The following RFTN2 variants were observed in gnomAD, a reference collection of about 807,000 sequenced individuals.
The protein encoded by RFTN2 is raftlin family member 2.
RFTN2 carries 34 observed loss-of-function variants against 52.7 expected under a neutral mutation model. That is an observed-to-expected ratio of 0.64 (90% confidence interval 0.49 to 0.86). The LOEUF is 0.86. RFTN2 is among the 40% of genes least tolerant of loss of function. The probability of loss-of-function intolerance (pLI) is 0.00; values close to 1 mark genes in which losing one functional copy is unlikely to be tolerated. For synonymous variants in RFTN2, 203 were observed against 217.7 expected (o/e 0.93, Z 0.59); for missense variants, 536 against 600.1 (o/e 0.89, Z 1.12).
At chr2:197,625,242 A>T (rs2088334967) in intron 5 of RFTN2, among the ~76,000 whole-genome samples, 2 of 152,210 alleles carry the variant, frequency 1.3e-5, no homozygotes, top group Admixed American at 1.3e-4. Flanking sequence ...CAAACTTGTG[A>T]ACTTGTGTAC....
At position 197,649,283 on chromosome 2, in the gene RFTN2, T is replaced by C. The variant is rs147986981; in HGVS notation, c.140-2617A>G. Among the ~76,000 whole-genome samples, 617 of 152,110 alleles carry C rather than the reference T, an allele frequency of 4.1e-3. 3 individuals are homozygous for C. Among genetic ancestry groups the C allele is most frequent in the African/African-American group, 0.014 (589 of 41,502 alleles). ...TACTGAGAATCCAAATAAATAGAGG[T>C]AAAGGTCATATTTACTTCAGGAGTC... On this transcript the variant is annotated intron_variant, in intron 1 of 8. Transcript: ENST00000295049.
At chr2:197,621,539 T>G (rs2088266020) in intron 5 of RFTN2, among the ~76,000 whole-genome samples, 1 of 151,834 alleles carries the variant, frequency 6.6e-6, no homozygotes, top group African/African-American at 2.4e-5. Context: ...TATTTCAACC[T>G]TTTTCATTAT....
intron 7 of RFTN2, among the ~76,000 whole-genome samples, chr2:197,604,976 G>A (rs891530536): frequency 1.3e-5 from 2 of 152,016 alleles, no homozygotes; most frequent in Admixed American, 6.6e-5. Context: ...GGCCAGGCTG[G>A]TCTTGAACTC....
chr2:197,583,994 T>C (rs1194242461), intron 8 of RFTN2, among the ~76,000 whole-genome samples: 1 of 152,150 alleles, frequency 6.6e-6, no homozygotes, highest in African/African-American at 2.4e-5. Context: ...CCATGGTGTA[T>C]ATGTGCCACA....
intron 1 of RFTN2, among the ~76,000 whole-genome samples, chr2:197,647,601 T>G (rs1357790085): frequency 6.6e-6 from 1 of 152,226 alleles, no homozygotes; most frequent in Non-Finnish European, 1.5e-5. Context: ...TTGTCAAGGC[T>G]TTCTTATTTC....
chr2:197,591,484 T>G (rs550003643), intron 8 of RFTN2, among the ~76,000 whole-genome samples: 1 of 152,334 alleles, frequency 6.6e-6, no homozygotes, highest in Admixed American at 6.5e-5. Context: ...GGAGCTCAGC[T>G]GGCTTCACCC....
At chr2:197,614,262 T>G (rs923731448) in intron 7 of RFTN2, among the ~76,000 whole-genome samples, 13 of 152,192 alleles carry the variant, frequency 8.5e-5, no homozygotes, top group African/African-American at 2.9e-4. Flanking sequence ...TAAATTTGAT[T>G]TTTAAAATTT....
In RFTN2 at chr2:197,654,864, G is replaced by A. The variant is rs140572103; in HGVS notation, c.140-8198C>T. On this transcript the variant is annotated intron_variant, in intron 1 of 8. Transcript: ENST00000295049. ...AATATAAAATTAGCCTGGAGTGGTG[G>A]TGCATGCCTGTAATCCCACTTACTC... Among the ~76,000 whole-genome samples the A allele has an allele frequency of 3.1e-3, 472 of 152,130 alleles. 5 individuals are homozygous for A. Among genetic ancestry groups the A allele is most frequent in the African/African-American group, 0.011 (455 of 41,476 alleles).
intron 7 of RFTN2, among the ~76,000 whole-genome samples, chr2:197,611,942 T>G (rs1411414200): frequency 1.3e-5 from 2 of 152,220 alleles, no homozygotes; most frequent in Non-Finnish European, 2.9e-5. Context: ...TTCTTAATCC[T>G]GAGTTCTAAT....
intron 8 of RFTN2, among the ~76,000 whole-genome samples, chr2:197,592,374 T>G (rs2087731651): frequency 6.6e-6 from 1 of 152,162 alleles, no homozygotes; most frequent in African/African-American, 2.4e-5. Flanking sequence ...TGTGTATTTT[T>G]AGTAGAGAAG....
At chr2:197,661,199 T>A (rs2088972023) in intron 1 of RFTN2, among the ~76,000 whole-genome samples, 1 of 151,478 alleles carries the variant, frequency 6.6e-6, no homozygotes, top group Admixed American at 6.6e-5. Context: ...GCTCCATCCA[T>A]GTTGCTGCAA....
intron 8 of RFTN2, among the ~76,000 whole-genome samples, chr2:197,589,345 G>C (rs1416461842): frequency 2.0e-5 from 3 of 151,230 alleles, no homozygotes; most frequent in African/African-American, 7.3e-5. Context: ...ATGATTGTGA[G>C]GCCTCCTCAG....
At chr2:197,661,215 G>A (rs997828236) in intron 1 of RFTN2, among the ~76,000 whole-genome samples, 6 of 140,426 alleles carry the variant, frequency 4.3e-5, no homozygotes, top group South Asian at 2.3e-4. Context: ...TGCAAATGAC[G>A]TGATTTAATT....
chr2:197,580,739 G>T (rs1181886168), intron 8 of RFTN2, among the ~76,000 whole-genome samples: 1 of 152,100 alleles, frequency 6.6e-6, no homozygotes, highest in African/African-American at 2.4e-5. Flanking sequence ...TGTTTCCCTT[G>T]CCTCCATAAC....
At chr2:197,673,423 T>C (rs533217539) in intron 1 of RFTN2, among the ~76,000 whole-genome samples, 43 of 152,092 alleles carry the variant, frequency 2.8e-4, no homozygotes, top group African/African-American at 1.0e-3. Context: ...GCAAAGGCAA[T>C]GGGGAAGACA....
chr2:197,640,125 A>T (rs2088638345), intron 3 of RFTN2, among the ~76,000 whole-genome samples: 1 of 152,200 alleles, frequency 6.6e-6, no homozygotes, highest in Non-Finnish European at 1.5e-5. Context: ...TGCTGGGAGA[A>T]CCACTGCTCT....
chr2:197,657,318 G>A (rs957020643), intron 1 of RFTN2, among the ~76,000 whole-genome samples: 6 of 152,210 alleles, frequency 3.9e-5, no homozygotes, highest in Admixed American at 2.6e-4. Context: ...TCATTAGTTT[G>A]TAACTTCTGC....
chr2:197,574,870 AAAAC>A (rs79026014), intron 8 of RFTN2, among the ~76,000 whole-genome samples: 102,966 of 150,490 alleles, frequency 0.68, 35,705 homozygotes, highest in Middle Eastern at 0.85. Flanking sequence ...CTCCATCTCA[AAAAC>A]AAACAAACAA....
chr2:197,640,005 G>A (rs979637419), intron 3 of RFTN2, among the ~76,000 whole-genome samples: 1 of 152,214 alleles, frequency 6.6e-6, no homozygotes, highest in Non-Finnish European at 1.5e-5. Context: ...TGCCGTGTGA[G>A]ATGTCAGTGT....
Sources: allele counts gnomAD v4.1 joint callset (sites outside exome capture counted in the v4.1 genomes callset), GRCh38; gene constraint gnomAD v4.1.1; transcripts MANE v1.5; gene names NCBI Gene and HGNC (gene_info 2026-07-23, HGNC 2026-07-21).